NFIA: variants seen among roughly 807,000 people sequenced by gnomAD.
NFIA encodes the protein nuclear factor I A.
In NFIA, 8 loss-of-function variants were observed where a neutral mutation model predicts 62.8. The ratio of observed to expected loss-of-function variants is 0.13; its 90% CI spans 0.07 to 0.23. NFIA has a LOEUF of 0.23. NFIA is among the 10% of genes least tolerant of loss of function. The pLI is 1.00. For missense variants in NFIA, 410 were observed against 642.1 expected, an observed-to-expected ratio of 0.64 and a Z score of 3.91; for synonymous variants, 235 against 238.1, an observed-to-expected ratio of 0.99 and a Z score of 0.12.
chr1:61,139,143 A>C (rs1213069033), intron 2 of NFIA, among the ~76,000 whole-genome samples: 2 of 152,142 alleles, frequency 1.3e-5, no homozygotes, highest in African/African-American at 4.8e-5. Flanking sequence ...ACGTCACTGC[A>C]CTCCAGCCTG....
intron 2 of NFIA, among the ~76,000 whole-genome samples, chr1:61,148,037 C>T (rs1324561790): frequency 6.6e-6 from 1 of 152,046 alleles, no homozygotes; most frequent in African/African-American, 2.4e-5. Context: ...TCTTGTATTC[C>T]AGTTTACATT....
At chr1:61,369,104 A>G (rs930053819) in intron 6 of NFIA, among the ~76,000 whole-genome samples, 2 of 152,232 alleles carry the variant, frequency 1.3e-5, no homozygotes, top group African/African-American at 4.8e-5. Context: ...AAGGAGCAGC[A>G]GTGAATACTG....
chr1:61,303,258 C>G (rs1190361594), intron 3 of NFIA, among the ~76,000 whole-genome samples: 1 of 152,202 alleles, frequency 6.6e-6, no homozygotes, highest in Non-Finnish European at 1.5e-5. Flanking sequence ...TGAGCCCATA[C>G]TTTATTCCAG....
At chr1:61,366,791 C>T (rs774075299) in intron 6 of NFIA, among the ~76,000 whole-genome samples, 41 of 152,168 alleles carry the variant, frequency 2.7e-4, no homozygotes, top group South Asian at 4.2e-4. Flanking sequence ...GGCGTGGCGG[C>T]GCCCTCCTGT....
chr1:61,306,165 T>A (rs1261612925), intron 3 of NFIA, among the ~76,000 whole-genome samples: 1 of 151,906 alleles, frequency 6.6e-6, no homozygotes, highest in Non-Finnish European at 1.5e-5. Flanking sequence ...TTGATTGTTT[T>A]CGGAGACTTG....
intron 3 of NFIA, among the ~76,000 whole-genome samples, chr1:61,303,304 A>G (rs898035421): frequency 6.7e-6 from 1 of 150,140 alleles, no homozygotes; most frequent in Non-Finnish European, 1.5e-5. Flanking sequence ...ATCACTGAAT[A>G]ATAAAATCCC....
chr1:61,152,523 G>A (rs1292121403), intron 2 of NFIA, among the ~76,000 whole-genome samples: 1 of 152,108 alleles, frequency 6.6e-6, no homozygotes, highest in Non-Finnish European at 1.5e-5. Context: ...AAGCCCCATA[G>A]TGCTGCCATA....
chr1:61,098,400 T>G (rs1646453135), intron 2 of NFIA, among the ~76,000 whole-genome samples: 1 of 152,222 alleles, frequency 6.6e-6, no homozygotes, highest in Non-Finnish European at 1.5e-5. Flanking sequence ...AAGATTTTTT[T>G]GGATGGATGC....
intron 2 of NFIA, among the ~76,000 whole-genome samples, chr1:61,216,983 G>T (rs1470762155): frequency 1.3e-5 from 2 of 151,364 alleles, no homozygotes; most frequent in Non-Finnish European, 2.9e-5. Context: ...CTGGGTGACA[G>T]AATGAGACTT....
intron 6 of NFIA, among the ~76,000 whole-genome samples, chr1:61,371,444 C>T (rs1305145684): frequency 6.6e-6 from 1 of 151,928 alleles, no homozygotes. Context: ...AGCATTGAAA[C>T]CTTAACATAC....
intron 3 of NFIA, among the ~76,000 whole-genome samples, chr1:61,293,790 G>C (rs904630572): frequency 3.3e-5 from 5 of 152,228 alleles, no homozygotes; most frequent in Non-Finnish European, 5.9e-5. Flanking sequence ...TTATAGAATA[G>C]TTAAGAGCCA....
chr1:61,150,800 A>T (rs1648349091), intron 2 of NFIA, among the ~76,000 whole-genome samples: 2 of 152,090 alleles, frequency 1.3e-5, no homozygotes, highest in Non-Finnish European at 2.9e-5. Context: ...GACTAGAAGG[A>T]TGGGTTGAGA....
upstream of NFIA, chr1:61,082,499 G>A: frequency 1.7e-6 from 2 of 1,189,458 alleles, no homozygotes; most frequent in Non-Finnish European, 1.0e-6. Flanking sequence ...GAAAGGGTGC[G>A]CTATGCCTTT....
At chr1:61,157,798 C>T (rs1648919977) in intron 2 of NFIA, among the ~76,000 whole-genome samples, 1 of 152,182 alleles carries the variant, frequency 6.6e-6, no homozygotes, top group South Asian at 2.1e-4. Context: ...GCGTAGAAGC[C>T]ATAGGATTAA....
At chr1:61,414,179 C>T (rs1447197279) in intron 9 of NFIA, among the ~76,000 whole-genome samples, 1 of 152,026 alleles carries the variant, frequency 6.6e-6, no homozygotes, top group Non-Finnish European at 1.5e-5. Context: ...GACAGGGTTT[C>T]GTCATGTTGG....
intron 7 of NFIA, among the ~76,000 whole-genome samples, chr1:61,400,524 C>A (rs1014395934): frequency 9.2e-5 from 14 of 152,108 alleles, no homozygotes; most frequent in African/African-American, 3.4e-4. Flanking sequence ...GGATGCACTG[C>A]AATAAACTGT....
chr1:61,418,816 A>C (rs1313510530), intron 9 of NFIA, among the ~76,000 whole-genome samples: 1 of 152,198 alleles, frequency 6.6e-6, no homozygotes, highest in Non-Finnish European at 1.5e-5. Context: ...CCAGAGTTGC[A>C]CTGCCTTTTG....
chr1:61,199,116 C>G (rs543573604), intron 2 of NFIA, among the ~76,000 whole-genome samples: 1 of 151,780 alleles, frequency 6.6e-6, no homozygotes, highest in African/African-American at 2.4e-5. Flanking sequence ...TTCTAAAGAC[C>G]AGAAATGTGG....
At chr1:61,113,455 A>G (rs2807991) in intron 2 of NFIA, among the ~76,000 whole-genome samples, 142,939 of 152,076 alleles carry the variant, frequency 0.94, 67,288 homozygotes, top group Middle Eastern at 0.97. Context: ...ATTACTAGGC[A>G]TGGTGGCAGG....
Sources: allele counts gnomAD v4.1 joint callset (sites outside exome capture counted in the v4.1 genomes callset), GRCh38; gene constraint gnomAD v4.1.1; transcripts MANE v1.5; gene names NCBI Gene and HGNC (gene_info 2026-07-23, HGNC 2026-07-21).